Variants in LACTB observed in about 807,000 individuals in gnomAD.
The protein encoded by LACTB is lactamase beta.
In LACTB, 35 loss-of-function variants were observed where a neutral mutation model predicts 50.2. The ratio of observed to expected loss-of-function variants is 0.70; its 90% CI spans 0.53 to 0.92. The LOEUF is 0.92. Ranked by LOEUF, LACTB falls within the 40% of genes least tolerant of loss-of-function variation. The pLI, the probability that LACTB is intolerant of heterozygous loss-of-function variation, is 0.00. For missense variants in LACTB, 664 were observed against 691.8 expected, an observed-to-expected ratio of 0.96 and a Z score of 0.45; for synonymous variants, 252 against 268.2, an observed-to-expected ratio of 0.94 and a Z score of 0.59.
chr15:63,139,975 T>A (rs2037213818), intron 5 of LACTB, among the ~76,000 whole-genome samples: 1 of 150,628 alleles, frequency 6.6e-6, no homozygotes, highest in Non-Finnish European at 1.5e-5. Context: ...GGTATGGTGG[T>A]ACACACCTGT....
rs1158500088 is a variant in LACTB, at chr15:63,136,011, A to C, written c.1119-5269A>C. Reference sequence around the variant, plus strand: ...ACTTGCGCAAAAATCAAAATATGCCATATGATGGTGAGTCAATTTCATTTT... The same window carrying C: ...ACTTGCGCAAAAATCAAAATATGCCCTATGATGGTGAGTCAATTTCATTTT... On this transcript the variant is annotated intron_variant, in intron 5 of 5. Transcript: ENST00000261893. Among the ~76,000 whole-genome samples the C allele has an allele frequency of 1.7e-4, 26 of 151,576 alleles. No homozygotes were observed. The South Asian group carries it at 5.0e-3, about 29-fold the overall frequency.
rs535481475 is a variant in LACTB, at chr15:63,127,542, C to G, written c.805C>G (p.Gln269Glu). ...KNDFTKFKTE[Q>E]ENEAKCRNSK... ...TGATTTTACTAAATTTAAAACAGAG[C>G]AGGAGAATGAAGCCAAATGCCGGAA... The change falls in exon 4 of 6, where the codon CAG becomes GAG. Residue 269 changes from glutamine to glutamate, a missense_variant. Transcript: ENST00000261893. The G allele has an allele frequency of 6.2e-7, 1 of 1,613,754 alleles. No individual in the cohort carries two copies. Among genetic ancestry groups the G allele is most frequent in the African/African-American group, 1.3e-5 (1 of 75,008 alleles).
chr15:63,122,207 C>A lies in LACTB; in HGVS notation c.336C>A (p.Arg112=). The change falls in exon 1 of 6, where the codon CGC becomes CGA. Residue 112 remains arginine, a synonymous_variant. Coordinates refer to ENST00000261893, the MANE Select transcript of LACTB (RefSeq NM_032857.5). ...RCFARAIESS[R]DLLHRIKDEV... ...TCGCCAGAGCCATCGAGAGCAGCCG[C>A]GACCTGCTGCACAGGATCAAGGTGC... The A allele has an allele frequency of 6.4e-7, 1 of 1,552,456 alleles. No individual in the cohort carries two copies. Among genetic ancestry groups the A allele is most frequent in the East Asian group, 2.4e-5 (1 of 41,612 alleles).
chr15:63,128,963 G>C (rs551315620), intron 4 of LACTB, among the ~76,000 whole-genome samples: 1 of 152,082 alleles, frequency 6.6e-6, no homozygotes, highest in Non-Finnish European at 1.5e-5. Flanking sequence ...GGCTGGTCTC[G>C]AACTCCTGAC....
At chr15:63,128,376 C>T (rs2037082761) in intron 4 of LACTB, among the ~76,000 whole-genome samples, 1 of 152,148 alleles carries the variant, frequency 6.6e-6, no homozygotes, top group African/African-American at 2.4e-5. Flanking sequence ...GTGGGAGGAT[C>T]GCTTGAGCCC....
chr15:63,125,566 A>G (rs1170500673), intron 2 of LACTB, among the ~76,000 whole-genome samples: 1 of 152,248 alleles, frequency 6.6e-6, no homozygotes, highest in Non-Finnish European at 1.5e-5. Flanking sequence ...CAAAAATTAT[A>G]TAAATGTCAG....
In LACTB at chr15:63,126,998, A is replaced by G; in HGVS notation, c.564A>G (p.Pro188=). The G allele has an allele frequency of 6.2e-7, 1 of 1,613,070 alleles. No homozygotes were observed. Among genetic ancestry groups the G allele is most frequent in the Non-Finnish European group, 8.5e-7 (1 of 1,179,434 alleles). Residue 188 remains proline (P), a synonymous_variant, in exon 3 of 6, where the codon CCA becomes CCG. Coordinates refer to ENST00000261893, the MANE Select transcript of LACTB (RefSeq NM_032857.5). ...WEAGKLDLDI[P]VQHYVPEFPE... ...CAGGGAAACTGGATCTTGATATTCC[A>G]GTACAACATTATGTTCCCGAATTCC...
At chr15:63,140,909 C>T (rs898010645) in intron 5 of LACTB, 1 of 644,294 alleles carries the variant, frequency 1.6e-6, no homozygotes, top group Non-Finnish European at 1.9e-6. Context: ...AACATTAACC[C>T]CAAGGACAAG....
chr15:63,141,048 A>G (rs913120944), intron 5 of LACTB: 2 of 984,940 alleles, frequency 2.0e-6, no homozygotes, highest in Admixed American at 6.2e-5. Flanking sequence ...TACCAATAGA[A>G]AAAAACCACT....
At chr15:63,141,195 C>G in intron 5 of LACTB, 85 bp from the exon 6 acceptor site, 1 of 1,465,886 alleles carries the variant, frequency 6.8e-7, no homozygotes, top group South Asian at 1.5e-5. Context: ...GAAATACAAT[C>G]TCTCTCATGT....
chr15:63,129,929 T>C, intron 5 of LACTB: 2 of 239,994 alleles, frequency 8.3e-6, no homozygotes, highest in Non-Finnish European at 1.6e-5. Context: ...ATTTGCTCTT[T>C]AACCATTCCT....
intron 1 of LACTB, 35 bp from the exon 2 acceptor site, chr15:63,122,600 GC>G (rs1566988733): frequency 6.5e-7 from 1 of 1,539,964 alleles, no homozygotes; most frequent in Non-Finnish European, 9.0e-7. Context: ...TTTTCAGCAG[GC>G]CCGTAACTGT....
chr15:63,140,626 A>G (rs918799925), intron 5 of LACTB, among the ~76,000 whole-genome samples: 5 of 152,156 alleles, frequency 3.3e-5, no homozygotes, highest in Admixed American at 3.3e-4. Flanking sequence ...ACATCATTAT[A>G]TATGATATGT....
chr15:63,126,887 T>C lies in LACTB; in HGVS notation c.453T>C (p.Arg151=), dbSNP rs1288851199. The stretch of plus-strand genomic sequence containing the variant: ...TAGGTTATGCTGATGTTGAGAACCG[T>C]GTACCATGTAAACCAGAGACAGTTA... The part of the protein sequence containing the change: ...EGLGYADVEN[R]VPCKPETVMR... Residue 151 remains arginine (R), a synonymous_variant, in exon 3 of 6, where the codon CGT becomes CGC. Coordinates refer to ENST00000261893, the MANE Select transcript of LACTB (RefSeq NM_032857.5). 6.2e-7 allele frequency: 1 copy of C among 1,609,688 alleles called. No individual in the cohort carries two copies. The highest frequency in any genetic ancestry group is 1.7e-5 in the Admixed American group (1 of 59,422).
At chr15:63,124,789 C>T (rs2037026713) in intron 2 of LACTB, among the ~76,000 whole-genome samples, 1 of 151,766 alleles carries the variant, frequency 6.6e-6, no homozygotes, top group Non-Finnish European at 1.5e-5. Flanking sequence ...CCCATCTCTA[C>T]TAAAAACACA....
chr15:63,125,284 C>T (rs1036273829), intron 2 of LACTB, among the ~76,000 whole-genome samples: 1 of 152,020 alleles, frequency 6.6e-6, no homozygotes, highest in East Asian at 1.9e-4. Context: ...TCTCCTGCCT[C>T]GTCCTCCCGA....
chr15:63,136,317 G>C (rs2037176940), intron 5 of LACTB, among the ~76,000 whole-genome samples: 1 of 152,150 alleles, frequency 6.6e-6, no homozygotes, highest in African/African-American at 2.4e-5. Flanking sequence ...GATTACAGGC[G>C]TGAGCCTAGC....
At chr15:63,123,788 T>G (rs1005278332) in intron 2 of LACTB, among the ~76,000 whole-genome samples, 1 of 152,162 alleles carries the variant, frequency 6.6e-6, no homozygotes. Context: ...TCAGAGACTT[T>G]TAGTACTTTC....
intron 2 of LACTB, 87 bp from the exon 3 acceptor site, chr15:63,126,772 G>A: frequency 2.7e-6 from 2 of 738,630 alleles, no homozygotes; most frequent in Non-Finnish European, 4.3e-6. Flanking sequence ...AACACAGCAT[G>A]TTTAAAGATA....
Sources: allele counts gnomAD v4.1 joint callset (sites outside exome capture counted in the v4.1 genomes callset), GRCh38; gene constraint gnomAD v4.1.1; transcripts MANE v1.5; gene names NCBI Gene and HGNC (gene_info 2026-07-23, HGNC 2026-07-21).